The following SYN3 variants were observed in gnomAD, a reference collection of about 807,000 sequenced individuals.
The protein encoded by SYN3 is synapsin-3.
A neutral mutation model predicts 65.8 loss-of-function variants in SYN3; 35 were observed. The observed-to-expected ratio is 0.53, with a 90% CI of 0.41 to 0.70. The LOEUF (loss-of-function observed/expected upper bound fraction) is 0.70. Ranked by LOEUF, SYN3 falls within the 30% of genes least tolerant of loss-of-function variation. The pLI is 0.00. For synonymous variants in SYN3, 270 were observed against 292.9 expected (o/e 0.92, Z 0.80); for missense variants, 680 against 749.0 (o/e 0.91, Z 1.08).
chr22:32,801,872 G>A lies in SYN3; in HGVS notation c.711+63043C>T. 1.7e-6 allele frequency: 2 copies of A among 1,187,142 alleles called. No individual in the cohort carries two copies. Among genetic ancestry groups the A allele is most frequent in the Non-Finnish European group, 2.1e-6 (2 of 942,230 alleles). 73.5% of individuals were successfully genotyped at this position (1,187,142 alleles called of 1,614,324 possible). On this transcript the variant is annotated intron_variant, in intron 6 of 13. Coordinates refer to ENST00000358763, the MANE Select transcript of SYN3 (RefSeq NM_003490.4). The surrounding 1 kb of genome is among the most constrained non-coding windows in gnomAD (Gnocchi z 4.7). ...CCGCCGGGCACTCGGAGGGCAGCGC[G>A]CCGGAGGCCAAGGTTGCCCCGCACG...
intron 3 of SYN3, among the ~76,000 whole-genome samples, chr22:32,933,585 C>A (rs1181746811): frequency 1.3e-5 from 2 of 152,196 alleles, no homozygotes; most frequent in African/African-American, 4.8e-5. Context: ...TCTGCCACCA[C>A]ACCCAGCTAA....
intron 6 of SYN3, among the ~76,000 whole-genome samples, chr22:32,651,110 CAGA>C (rs2060063868): frequency 6.6e-6 from 1 of 152,116 alleles, no homozygotes; most frequent in Non-Finnish European, 1.5e-5. Flanking sequence ...TGGAAGAGCA[CAGA>C]AGGCCAAGAA....
chr22:32,990,480 C>T (rs889087106), intron 2 of SYN3, among the ~76,000 whole-genome samples: 2 of 152,072 alleles, frequency 1.3e-5, no homozygotes, highest in African/African-American at 4.8e-5. Flanking sequence ...ACCCATCTAC[C>T]CATCCATCCA....
rs970513370 is a variant in SYN3, at chr22:32,619,509, G to T, written c.712-22773C>A. Among the ~76,000 whole-genome samples the T allele has an allele frequency of 3.3e-5, 5 of 152,224 alleles. No individual in the cohort carries two copies. In the Middle Eastern group the frequency reaches 0.01, roughly 311 times the overall value. On this transcript the variant is annotated intron_variant, in intron 6 of 13. Transcript: ENST00000358763. The stretch of plus-strand genomic sequence containing the variant: ...TGAACATTCATTCTGGAGGGTCTAG[G>T]ACAAACCCATTTGAAATACTGTGTT...
At chr22:32,771,038 C>T (rs2045755978) in intron 6 of SYN3, among the ~76,000 whole-genome samples, 1 of 152,058 alleles carries the variant, frequency 6.6e-6, no homozygotes, top group South Asian at 2.1e-4. Flanking sequence ...AGGTGTTTTT[C>T]CTAATGCTCT....
chr22:32,562,297 C>T (rs1157333452), intron 7 of SYN3, among the ~76,000 whole-genome samples: 1 of 152,236 alleles, frequency 6.6e-6, no homozygotes, highest in African/African-American at 2.4e-5. Context: ...ACCTTCATTG[C>T]ATGACCCCTT....
chr22:33,027,635 G>A (rs5998699), intron 1 of SYN3, among the ~76,000 whole-genome samples: 16 of 60,396 alleles, frequency 2.6e-4, no homozygotes, highest in African/African-American at 5.1e-4. Context: ...CAGACAGACA[G>A]ACAGAGAGAG....
chr22:32,831,488 C>T (rs2146129413), intron 6 of SYN3, among the ~76,000 whole-genome samples: 1 of 152,280 alleles, frequency 6.6e-6, no homozygotes, highest in African/African-American at 2.4e-5. Context: ...TGCACATCTC[C>T]ACTTGATATG....
intron 6 of SYN3, among the ~76,000 whole-genome samples, chr22:32,831,538 T>C (rs115969999): frequency 0.012 from 1,763 of 152,256 alleles, 35 homozygotes; most frequent in African/African-American, 0.04. Context: ...CTGGTCCCCA[T>C]GGAGATGCTA....
At chr22:32,907,665 G>T (rs2049938772) in intron 4 of SYN3, among the ~76,000 whole-genome samples, 1 of 152,168 alleles carries the variant, frequency 6.6e-6, no homozygotes, top group Non-Finnish European at 1.5e-5. Context: ...CCCATGGGCT[G>T]GCTCACCTGT....
In SYN3 at chr22:32,786,590, C is replaced by G. The variant is rs531623569; in HGVS notation, c.711+78325G>C. Among the ~76,000 whole-genome samples the G allele has an allele frequency of 3.9e-3, 585 of 151,848 alleles. 3 individuals are homozygous for G. The highest frequency in any genetic ancestry group is 0.014 in the African/African-American group (563 of 41,408). ...TGTTAGCCAGGATGGTCTCGATCTC[C>G]TGACCTTGTGATCCACCCACCTCAG... On this transcript the variant is annotated intron_variant, in intron 6 of 13. Coordinates refer to ENST00000358763, the MANE Select transcript of SYN3 (RefSeq NM_003490.4).
At chr22:32,609,949 T>G (rs1309873920) in intron 6 of SYN3, among the ~76,000 whole-genome samples, 1 of 152,122 alleles carries the variant, frequency 6.6e-6, no homozygotes, top group East Asian at 1.9e-4. Context: ...ACCATAAAAT[T>G]CACCCTTTTA....
intron 6 of SYN3, chr22:32,859,673 C>A: frequency 4.5e-5 from 17 of 374,766 alleles, no homozygotes; most frequent in East Asian, 1.6e-4. Context: ...AATATAATCT[C>A]TATTTTTTTA....
chr22:32,757,066 G>GT (rs57731639), intron 6 of SYN3, among the ~76,000 whole-genome samples: 2 of 150,226 alleles, frequency 1.3e-5, no homozygotes, highest in Non-Finnish European at 3.0e-5. Context: ...TTGAGGGGGG[G>GT]TGGTTTGGAG....
intron 6 of SYN3, among the ~76,000 whole-genome samples, chr22:32,643,758 A>C (rs550868779): frequency 6.6e-6 from 1 of 152,014 alleles, no homozygotes; most frequent in Non-Finnish European, 1.5e-5. Context: ...CTTCTCCTAT[A>C]GGACAGTTCA....
chr22:32,608,671 A>C (rs1025087192), intron 6 of SYN3, among the ~76,000 whole-genome samples: 6 of 152,242 alleles, frequency 3.9e-5, no homozygotes, highest in African/African-American at 1.2e-4. Flanking sequence ...GAAGCCAGGC[A>C]GACTTGCGTT....
rs76119381 is a variant in SYN3, at chr22:33,006,769, G to A, written c.-107C>T. The A allele has an allele frequency of 0.011, 13,449 of 1,179,468 alleles. 106 individuals carry two copies. The highest frequency in any genetic ancestry group is 0.014 in the Non-Finnish European group (12,095 of 845,408). The allele number at this position is 1,179,468 out of a possible 1,614,324, so 73.1% of individuals were successfully genotyped here. A position where few individuals can be genotyped will look rare whatever the true frequency, so the allele number is the denominator to read the frequency against. The stretch of plus-strand genomic sequence containing the variant: ...GGGAGTGGTAGGACTTTAGCCAGAA[G>A]AGCCAGGGGGATTTTGCGCAACCAG... On this transcript the variant is annotated 5_prime_UTR_variant, in exon 2 of 14. Coordinates refer to ENST00000358763, the MANE Select transcript of SYN3 (RefSeq NM_003490.4).
At chr22:32,585,967 T>C (rs113998246) in intron 7 of SYN3, among the ~76,000 whole-genome samples, 2,184 of 79,736 alleles carry the variant, frequency 0.027, 52 homozygotes, top group African/African-American at 0.081. Flanking sequence ...TGTATATACG[T>C]ATATATGTAT....
At chr22:32,942,011 C>T (rs1335599060) in intron 3 of SYN3, among the ~76,000 whole-genome samples, 2 of 152,250 alleles carry the variant, frequency 1.3e-5, no homozygotes, top group Non-Finnish European at 2.9e-5. Context: ...GTAGACTCCA[C>T]CTCTGGGGGC....
Sources: allele counts gnomAD v4.1 joint callset (sites outside exome capture counted in the v4.1 genomes callset), GRCh38; gene constraint gnomAD v4.1.1; non-coding constraint Gnocchi (gnomAD v3.1); transcripts MANE v1.5; gene names NCBI Gene and HGNC (gene_info 2026-07-23, HGNC 2026-07-21).